The following DAB1 variants were observed in gnomAD, a reference collection of about 807,000 sequenced individuals.
DAB1 encodes DAB adaptor protein 1.
A neutral mutation model predicts 64.6 loss-of-function variants in DAB1; 15 were observed. The ratio of observed to expected loss-of-function variants is 0.23; its 90% CI spans 0.16 to 0.36. The LOEUF (loss-of-function observed/expected upper bound fraction) is 0.36. DAB1 is among the 10% of genes least tolerant of loss of function. The pLI is 1.00. For synonymous variants in DAB1, 235 were observed against 251.9 expected, an observed-to-expected ratio of 0.93 and a Z score of 0.64; for missense variants, 596 against 706.7, an observed-to-expected ratio of 0.84 and a Z score of 1.78.
At chr1:57,084,485 A>C (rs1488026010) in intron 4 of DAB1, among the ~76,000 whole-genome samples, 1 of 152,216 alleles carries the variant, frequency 6.6e-6, no homozygotes, top group Admixed American at 6.5e-5. Context: ...TTGGAGAAAC[A>C]GCCCTTGGAA....
chr1:57,991,839 C>T (rs1396717549), intron 5 of DAB1, among the ~76,000 whole-genome samples: 1 of 77,472 alleles, frequency 1.3e-5, no homozygotes, highest in African/African-American at 5.2e-5. Flanking sequence ...GATTGAGGCT[C>T]TGTCTCAAAA....
At chr1:57,669,699 A>C (rs1646488815) in intron 6 of DAB1, among the ~76,000 whole-genome samples, 1 of 152,164 alleles carries the variant, frequency 6.6e-6, no homozygotes, top group Non-Finnish European at 1.5e-5. Flanking sequence ...GCAAAATACA[A>C]GATATGATTT....
intron 5 of DAB1, among the ~76,000 whole-genome samples, chr1:58,121,941 T>G (rs571463974): frequency 6.6e-6 from 1 of 152,252 alleles, no homozygotes; most frequent in South Asian, 2.1e-4. Context: ...TATCCCTGAG[T>G]TCTCCCATGG....
intron 5 of DAB1, among the ~76,000 whole-genome samples, chr1:57,934,215 C>A (rs1341916964): frequency 6.6e-6 from 1 of 152,040 alleles, no homozygotes; most frequent in Non-Finnish European, 1.5e-5. Flanking sequence ...TGAGCCACTG[C>A]GCCCGGCCCT....
In DAB1 at chr1:57,211,637, C is replaced by G. The variant is rs563212504; in HGVS notation, c.68-66208G>C. On this transcript the variant is annotated intron_variant, in intron 2 of 14. Transcript: ENST00000371236. The stretch of plus-strand genomic sequence containing the variant: ...ACATCAAATAAAAAATGTTATATGT[C>G]AAAACTAAGTTCCAAAGGGCTACAC... Among the ~76,000 whole-genome samples, 8 of 152,202 alleles carry G rather than the reference C, an allele frequency of 5.3e-5. 1 individual carries two copies. The South Asian group carries it at 1.5e-3, about 28-fold the overall frequency.
At chr1:58,043,458 T>C (rs531101390) in intron 5 of DAB1, among the ~76,000 whole-genome samples, 1 of 152,312 alleles carries the variant, frequency 6.6e-6, no homozygotes, top group African/African-American at 2.4e-5. Context: ...CATGGATCGA[T>C]ACCTTTACCT....
intron 1 of DAB1, among the ~76,000 whole-genome samples, chr1:57,402,425 C>T (rs1402955350): frequency 1.3e-5 from 2 of 152,132 alleles, no homozygotes; most frequent in African/African-American, 4.8e-5. Context: ...TGATATGTTA[C>T]AGTCACGTTT....
At chr1:57,309,193 A>C (rs1028159234) in intron 1 of DAB1, among the ~76,000 whole-genome samples, 27 of 152,334 alleles carry the variant, frequency 1.8e-4, no homozygotes, top group African/African-American at 6.5e-4. Flanking sequence ...CAGATGAAGA[A>C]TGATCTTAGA....
chr1:58,033,137 T>C (rs555975227), intron 5 of DAB1, among the ~76,000 whole-genome samples: 28 of 152,330 alleles, frequency 1.8e-4, no homozygotes, highest in Middle Eastern at 3.4e-3. Flanking sequence ...CAATATGGGT[T>C]CCCAGGTCCT....
chr1:58,041,645 G>T (rs1226533443), intron 5 of DAB1, among the ~76,000 whole-genome samples: 1 of 152,190 alleles, frequency 6.6e-6, no homozygotes, highest in Non-Finnish European at 1.5e-5. Flanking sequence ...GCTGCAGAGT[G>T]CAGATGCTTA....
chr1:58,214,095 C>T (rs1404752660), intron 4 of DAB1, among the ~76,000 whole-genome samples: 2 of 152,134 alleles, frequency 1.3e-5, no homozygotes, highest in Non-Finnish European at 2.9e-5. Context: ...TCTTCATCCA[C>T]CTGCTCCTGA....
intron 5 of DAB1, among the ~76,000 whole-genome samples, chr1:57,916,905 T>G (rs796548195): frequency 3.3e-4 from 50 of 151,774 alleles, no homozygotes; most frequent in African/African-American, 1.2e-3. Flanking sequence ...ATCGCGCCAC[T>G]GCACTCCAGC....
intron 6 of DAB1, among the ~76,000 whole-genome samples, chr1:57,755,987 A>G (rs772942422): frequency 6.6e-6 from 1 of 152,352 alleles, no homozygotes; most frequent in Middle Eastern, 3.4e-3. Flanking sequence ...TGTGGCAAAG[A>G]ACAAAGAAAT....
At chr1:58,300,892 G>A (rs1465425763) in intron 4 of DAB1, among the ~76,000 whole-genome samples, 1 of 152,090 alleles carries the variant, frequency 6.6e-6, no homozygotes, top group African/African-American at 2.4e-5. Context: ...GCCAAACTGA[G>A]GCCTTGGTGT....
intron 1 of DAB1, among the ~76,000 whole-genome samples, chr1:57,356,474 C>T (rs1009378351): frequency 2.0e-5 from 3 of 152,090 alleles, no homozygotes; most frequent in African/African-American, 7.2e-5. Flanking sequence ...TTTATTTCCA[C>T]TCCTTGGGAA....
At chr1:57,032,269 C>T (rs1390466105) in intron 9 of DAB1, among the ~76,000 whole-genome samples, 1 of 152,112 alleles carries the variant, frequency 6.6e-6, no homozygotes, top group Non-Finnish European at 1.5e-5. Flanking sequence ...CATGGGAGTT[C>T]CTACCTTGCA....
rs141781966 is a variant in DAB1, at chr1:58,151,403, T to C, written n.310-815A>G. ...TGCCATTCTAACTGGTGTGAGATGG[T>C]ATCTCATTGTGGTTTTGATTTGCAT... On this transcript the variant is annotated intron_variant and non_coding_transcript_variant, in intron 4 of 20. Transcript: ENST00000485760. Among the ~76,000 whole-genome samples, 1,211 of 152,364 alleles carry C rather than the reference T, an allele frequency of 7.9e-3. 21 individuals are homozygous for C. Among genetic ancestry groups the C allele is most frequent in the African/African-American group, 0.028 (1,160 of 41,592 alleles).
chr1:58,004,478 G>A (rs1646551741), intron 5 of DAB1, among the ~76,000 whole-genome samples: 1 of 152,134 alleles, frequency 6.6e-6, no homozygotes, highest in African/African-American at 2.4e-5. Flanking sequence ...CAAGAATGGG[G>A]AGCAGGACCT....
chr1:58,192,095 C>T (rs912064044), intron 4 of DAB1, among the ~76,000 whole-genome samples: 14 of 152,282 alleles, frequency 9.2e-5, no homozygotes, highest in African/African-American at 3.1e-4. Context: ...GGAGCTAAGA[C>T]TGCACTTAGA....
Sources: allele counts gnomAD v4.1 joint callset (sites outside exome capture counted in the v4.1 genomes callset), GRCh38; gene constraint gnomAD v4.1.1; transcripts MANE v1.5; gene names NCBI Gene and HGNC (gene_info 2026-07-23, HGNC 2026-07-21).